Variants in DPP6 observed in about 807,000 individuals in gnomAD.
DPP6 encodes the protein dipeptidyl peptidase like 6, also known as A-type potassium channel modulatory protein DPP6.
Under a neutral mutation model 122.6 loss-of-function variants are expected in DPP6, and 69 were observed. The observed-to-expected ratio is 0.56, with a 90% CI of 0.46 to 0.69. The LOEUF is 0.69. Among genes scored for constraint, DPP6 ranks in the 30% least tolerant of loss-of-function variants. DPP6 has a pLI of 0.00. For synonymous variants in DPP6, 418 were observed against 433.1 expected (o/e 0.97, Z 0.43); for missense variants, 928 against 1,116.9 (o/e 0.83, Z 2.41).
At chr7:153,912,484 A>C (rs1392504439) in intron 1 of DPP6, among the ~76,000 whole-genome samples, 2 of 152,198 alleles carry the variant, frequency 1.3e-5, no homozygotes, top group African/African-American at 2.4e-5. Context: ...ATTACATTTC[A>C]GCTGCCAAAA....
chr7:154,073,641 C>G (rs1463938302), intron 1 of DPP6, among the ~76,000 whole-genome samples: 1 of 152,204 alleles, frequency 6.6e-6, no homozygotes, highest in Non-Finnish European at 1.5e-5. Context: ...TGTGTAAAGG[C>G]CAAGATCCAG....
intron 1 of DPP6, among the ~76,000 whole-genome samples, chr7:154,123,697 TG>T (rs1276593998): frequency 3.3e-5 from 5 of 149,852 alleles, no homozygotes; most frequent in African/African-American, 1.2e-4. Context: ...CTGGGACAAA[TG>T]TGCCGCTCGC....
At chr7:154,428,352 A>G (rs1052341109) in intron 1 of DPP6, among the ~76,000 whole-genome samples, 1 of 152,196 alleles carries the variant, frequency 6.6e-6, no homozygotes, top group Non-Finnish European at 1.5e-5. Flanking sequence ...ATATTCCACT[A>G]ATATAGAGTG....
intron 4 of DPP6, among the ~76,000 whole-genome samples, chr7:154,555,199 G>T (rs1829928371): frequency 6.6e-6 from 1 of 152,046 alleles, no homozygotes; most frequent in Non-Finnish European, 1.5e-5. Flanking sequence ...AAGAAAAAAA[G>T]ACAACTTTTT....
At position 154,879,416 on chromosome 7, in the gene DPP6, TA is replaced by T. The variant is rs35969198; in HGVS notation, c.2079-1457del. Among the ~76,000 whole-genome samples the T allele has an allele frequency of 4.4e-3, 524 of 117,874 alleles. 53 individuals are homozygous for T. The highest frequency in any genetic ancestry group is 0.023 in the Middle Eastern group (5 of 216). 77.3% of individuals were successfully genotyped at this position (117,874 alleles called of 152,430 possible). ...TAACACGGTGAAACCCCGTCTCTAC[TA>T]AAAAAAAAAAAAAATACAAAAAATT... is the stretch of plus-strand genomic sequence containing the variant. On this transcript the variant is annotated intron_variant, in intron 20 of 25. Coordinates refer to ENST00000377770, the MANE Select transcript of DPP6 (RefSeq NM_130797.4).
At chr7:154,865,295 C>T (rs956973051) in intron 17 of DPP6, 1 of 152,326 alleles carries the variant, frequency 6.6e-6, no homozygotes, top group African/African-American at 2.4e-5. Context: ...CATTTGCACA[C>T]CCCAAGTTCC....
At chr7:154,812,267 G>GA (rs1304703225) in intron 16 of DPP6, among the ~76,000 whole-genome samples, 2 of 152,116 alleles carry the variant, frequency 1.3e-5, no homozygotes, top group Admixed American at 6.5e-5. Flanking sequence ...GCCTTTCTGT[G>GA]GGCCTTCCAT....
intron 1 of DPP6, among the ~76,000 whole-genome samples, chr7:154,353,890 T>C (rs975400826): frequency 6.6e-6 from 1 of 152,226 alleles, no homozygotes; most frequent in African/African-American, 2.4e-5. Flanking sequence ...TTTTAGAAAA[T>C]AAATTCCGTT....
chr7:154,210,078 G>T (rs925746533), intron 1 of DPP6, among the ~76,000 whole-genome samples: 7 of 152,158 alleles, frequency 4.6e-5, no homozygotes, highest in African/African-American at 1.4e-4. Context: ...TCTACCAAAT[G>T]ATGGTGAAGA....
intron 1 of DPP6, among the ~76,000 whole-genome samples, chr7:154,002,274 T>A (rs1214755103): frequency 6.6e-6 from 1 of 151,840 alleles, no homozygotes; most frequent in Admixed American, 6.6e-5. Flanking sequence ...TTAGGCCTCT[T>A]ACCAGCTTCC....
the DPP6 span, among the ~76,000 whole-genome samples, chr7:153,851,149 G>A: frequency 6.6e-6 from 1 of 152,124 alleles, no homozygotes; most frequent in Non-Finnish European, 1.5e-5. Context: ...TAGCAAGCGT[G>A]GAGTTTCTTT....
the DPP6 span, among the ~76,000 whole-genome samples, chr7:153,753,873 T>C: frequency 6.6e-6 from 1 of 152,178 alleles, no homozygotes; most frequent in African/African-American, 2.4e-5. Context: ...AGTCAATCCT[T>C]ATTCATCATT....
chr7:154,240,670 T>C (rs921955101), intron 1 of DPP6, among the ~76,000 whole-genome samples: 8 of 152,196 alleles, frequency 5.3e-5, no homozygotes, highest in Non-Finnish European at 1.0e-4. Flanking sequence ...TTTGGTGATA[T>C]AGTCCAAGCT....
chr7:154,373,751 C>G (rs1364701519), intron 1 of DPP6, among the ~76,000 whole-genome samples: 1 of 152,100 alleles, frequency 6.6e-6, no homozygotes, highest in Non-Finnish European at 1.5e-5. Flanking sequence ...TTCCTTATCC[C>G]GAACGGAAAC....
At chr7:154,790,783 T>C (rs1797621203) in intron 10 of DPP6, among the ~76,000 whole-genome samples, 1 of 130,606 alleles carries the variant, frequency 7.7e-6, no homozygotes. Context: ...AACAGCCTCA[T>C]ATTACAAACT....
chr7:154,301,333 A>T (rs1805884977), intron 1 of DPP6, among the ~76,000 whole-genome samples: 1 of 152,196 alleles, frequency 6.6e-6, no homozygotes, highest in African/African-American at 2.4e-5. Flanking sequence ...GCGCTTGGAA[A>T]GGAGTGCAGT....
intron 5 of DPP6, among the ~76,000 whole-genome samples, chr7:154,569,913 G>A (rs1831005890): frequency 6.6e-6 from 1 of 151,772 alleles, no homozygotes; most frequent in South Asian, 2.1e-4. Context: ...TAAACCTTAT[G>A]CACTGCATCT....
intron 1 of DPP6, among the ~76,000 whole-genome samples, chr7:154,061,805 A>T (rs1801972104): frequency 7.8e-6 from 1 of 127,566 alleles, no homozygotes; most frequent in Admixed American, 7.5e-5. Flanking sequence ...CGACGCGGGG[A>T]CTGAGAGCGA....
intron 1 of DPP6, among the ~76,000 whole-genome samples, chr7:154,061,061 C>T (rs540469072): frequency 3.8e-5 from 5 of 130,726 alleles, no homozygotes; most frequent in Admixed American, 7.7e-5. Context: ...TACGATCCGA[C>T]GGGTCCGAAC....
Sources: gnomAD v4.1 joint callset for allele counts (sites outside exome capture counted in the v4.1 genomes callset) on GRCh38, gnomAD v4.1.1 for gene constraint, MANE v1.5 for transcripts, NCBI Gene and HGNC (gene_info 2026-07-23, HGNC 2026-07-21) for gene names.